The following CFP variants were observed in gnomAD, a reference collection of about 807,000 sequenced individuals.
The protein encoded by CFP is properdin.
A neutral mutation model predicts 42.1 loss-of-function variants in CFP; 14 were observed. That is an observed-to-expected ratio of 0.33 (90% CI 0.22 to 0.52). The LOEUF (loss-of-function observed/expected upper bound fraction) is 0.52, where lower values mean the gene tolerates loss of function less well. Ranked by LOEUF, CFP falls within the 20% of genes least tolerant of loss-of-function variation. The pLI is 0.96. For missense variants in CFP, 318 were observed against 400.4 expected (o/e 0.79, Z 1.76); for synonymous variants, 149 against 160.6 (o/e 0.93, Z 0.54).
In CFP at chrX:47,627,288, C is replaced by T; in HGVS notation, c.619G>A (p.Ala207Thr). ...TCGTGGGGTCCACCGTGGCAGGAGG[C>T]TGAGCAGGGGGTCCAGGGGCCCCAG... ...ATWGPWTPCSASCHGGPHEPK... is the reference protein window; with the variant it reads ...ATWGPWTPCSTSCHGGPHEPK... Residue 207 changes from alanine (A) to threonine (T), a missense_variant, in exon 5 of 9, where the codon GCC (alanine) becomes ACC (threonine). By Grantham distance (58) the Ala-to-Thr change is moderately conservative. Transcript: ENST00000396992. 8.3e-7 allele frequency: 1 copy of T among 1,206,730 alleles called. No individual in the cohort carries two copies. The highest frequency in any genetic ancestry group is 1.1e-6 in the Non-Finnish European group (1 of 892,360).
At chrX:47,626,291 C>G in intron 7 of CFP, 37 bp downstream of exon 7, 1 of 1,199,272 alleles carries the variant, frequency 8.3e-7, no homozygotes, top group Non-Finnish European at 1.1e-6. Context: ...CTGCATGGGC[C>G]ACCCCACCCT....
chrX:47,629,498 A>AACCCCCCCCCCCCCC, intron 2 of CFP, 26 bp downstream of exon 2: 1 of 270,857 alleles, frequency 3.7e-6, no homozygotes, highest in African/African-American at 4.2e-5. Flanking sequence ...CCTCCCCCCC[A>AACCCCCCCCCCCCCC]TCCCCCACCC....
In CFP at chrX:47,629,919, G is replaced by A; in HGVS notation, c.-75C>T. The A allele has an allele frequency of 1.9e-6, 2 of 1,080,662 alleles. No homozygotes were observed. The highest frequency in any genetic ancestry group is 2.5e-6 in the Non-Finnish European group (2 of 793,921). 89.1% of individuals were successfully genotyped at this position (1,080,662 alleles called of 1,213,427 possible). ...CTGGGTTGATAGGCTCCTGGAATCAGCAGGGAAAGAGGAACCTAGAGGCAG... is the reference window on the plus strand; with the variant it reads ...CTGGGTTGATAGGCTCCTGGAATCAACAGGGAAAGAGGAACCTAGAGGCAG... On this transcript the variant is annotated 5_prime_UTR_variant, in exon 1 of 9. Transcript: ENST00000396992.
rs1049017681 is a variant in CFP at position 47,626,590 on chromosome X, A to G, written c.941-71T>C. 41 of 1,123,830 alleles carry G rather than the reference A, an allele frequency of 3.6e-5. No individual in the cohort carries two copies. In the African/African-American group the frequency reaches 6.5e-4, roughly 18 times the overall value. 92.6% of individuals were successfully genotyped at this position (1,123,830 alleles called of 1,213,427 possible). ...GCAAGGGGGTTCAGAGGAAGGAATG[A>G]GGGCGGTAGGAGGGAGTAGAGGTGA... On this transcript the variant is annotated intron_variant, in intron 6 of 8. Transcript: ENST00000396992.
chrX:47,625,867 C>T, intron 8 of CFP, 191 bp downstream of exon 8: 1 of 480,646 alleles, frequency 2.1e-6, no homozygotes, highest in East Asian at 3.7e-5. Flanking sequence ...GGCACAGAGG[C>T]TACGAATTAT....
chrX:47,629,431 G>T, intron 2 of CFP, 93 bp downstream of exon 2: 1 of 724,917 alleles, frequency 1.4e-6, no homozygotes, highest in Non-Finnish European at 2.1e-6. Flanking sequence ...GGCCACCCTT[G>T]GAAGTCCCAG....
At chrX:47,629,421 G>A (rs2147937872) in intron 2 of CFP, 103 bp downstream of exon 2, 1 of 655,123 alleles carries the variant, frequency 1.5e-6, no homozygotes, top group South Asian at 2.6e-5. Context: ...AGGGCCTCAG[G>A]GCCACCCTTG....
upstream of CFP, chrX:47,630,213 T>C (rs981796749): frequency 3.2e-5 from 8 of 249,894 alleles, no homozygotes; most frequent in South Asian, 4.7e-4. Context: ...TGAGCCTCAG[T>C]TTCCCTATGT....
At chrX:47,624,679 CAA>C (rs2057962165) in intron 8 of CFP, 1 of 318,389 alleles carries the variant, frequency 3.1e-6, no homozygotes, top group Non-Finnish European at 5.3e-6. Context: ...CTCAGCCTCC[CAA>C]AGTGTTGCTG....
Position 47,623,725 on chromosome X carries a change from A to T in CFP, c.*550T>A. 1 of 122,224 alleles carries T rather than the reference A, an allele frequency of 8.2e-6. No individual in the cohort carries two copies. The highest frequency in any genetic ancestry group is 1.7e-5 in the Non-Finnish European group (1 of 58,183). 10.1% of individuals were successfully genotyped at this position (122,224 alleles called of 1,213,427 possible). On this transcript the variant is annotated 3_prime_UTR_variant, in exon 9 of 9. Transcript: ENST00000396992. ...TGGGCTGTCGGGAGTGGGTGGGTGC[A>T]GGTGCTCGGGCGGCAGGGTGCCAGC...
In CFP at chrX:47,626,444, T is replaced by C. The variant is rs2057968742; in HGVS notation, c.1016A>G (p.Glu339Gly). 1 of 1,209,571 alleles carries C rather than the reference T, an allele frequency of 8.3e-7. No individual in the cohort carries two copies. The highest frequency in any genetic ancestry group is 1.8e-5 in the African/African-American group (1 of 56,952). ...RRNMKSISCQ[E>G]IPGQQSRGRT... ...CCCGCGTGACTGCTGGCCCGGGATT[T>C]CTTGACAGCTGATGGACTTCATGTT... is the stretch of plus-strand genomic sequence containing the variant. The change falls in exon 7 of 9, where the codon GAA becomes GGA. Residue 339 changes from glutamate (E) to glycine (G), a missense_variant. Coordinates refer to ENST00000396992, the MANE Select transcript of CFP (RefSeq NM_001145252.3).
chrX:47,625,749 A>G, intron 8 of CFP: 1 of 347,666 alleles, frequency 2.9e-6, no homozygotes, highest in African/African-American at 2.6e-5. Context: ...GGAGGCAGGC[A>G]GTGAATGGAG....
At chrX:47,624,476 A>AATCTC (rs1206101251) in intron 8 of CFP, 36 bp from the exon 9 acceptor site, 2 of 1,168,924 alleles carry the variant, frequency 1.7e-6, no homozygotes, top group East Asian at 3.0e-5. Context: ...CGGAAGGGAG[A>AATCTC]ATCTCAGGGA....
chrX:47,626,712 G>T (rs1014488489), intron 6 of CFP, 61 bp downstream of exon 6: 3 of 1,141,623 alleles, frequency 2.6e-6, no homozygotes, highest in African/African-American at 3.6e-5. Flanking sequence ...AGCAGGAGCT[G>T]GGCAGCAGAG....
chrX:47,629,497 CATCCCCCACCCCAGG>C lies in CFP; in HGVS notation c.227+12_227+26del. 6.5e-6 allele frequency: 5 copies of C among 774,843 alleles called. No individual in the cohort carries two copies. The highest frequency in any genetic ancestry group is 4.6e-5 in the South Asian group (2 of 43,263). 63.9% of individuals were successfully genotyped at this position (774,843 alleles called of 1,213,427 possible). ...CCACAGACAGTCCTTCCCTCCCCCC[CATCCCCCACCCCAGG>C]CTCCCCCTAACCTGCAAGGCTGACA... On this transcript the variant is annotated intron_variant, in intron 2 of 8. Transcript: ENST00000396992.
rs2057984440 is a variant in CFP, at chrX:47,629,846, T to C, written c.-2A>G. 1.7e-6 allele frequency: 2 copies of C among 1,166,765 alleles called. No homozygotes were observed. The highest frequency in any genetic ancestry group is 1.9e-5 in the South Asian group (1 of 52,707). On this transcript the variant is annotated 5_prime_UTR_variant, in exon 1 of 9. Coordinates refer to ENST00000396992, the MANE Select transcript of CFP (RefSeq NM_001145252.3). The stretch of plus-strand genomic sequence containing the variant: ...GGCCTGCGCTCCCTCTGTGATCATG[T>C]TGAGTACTGCCCCCTGCACCTCTAC...
intron 8 of CFP, chrX:47,625,154 C>T (rs2057963627): frequency 9.0e-6 from 1 of 111,407 alleles, no homozygotes; most frequent in Non-Finnish European, 1.9e-5. Context: ...ATTTGTCCCA[C>T]TAGGAAAGCC....
At chrX:47,624,498 C>A in intron 8 of CFP, 58 bp from the exon 9 acceptor site, 1 of 1,019,027 alleles carries the variant, frequency 9.8e-7, no homozygotes, top group Non-Finnish European at 1.3e-6. Flanking sequence ...GGCAAGAATG[C>A]ATTCAATTCT....
rs776785115 is a variant in CFP, at chrX:47,624,342, A to G, written c.1343T>C (p.Val448Ala). Residue 448 changes from valine to alanine, a missense_variant, in exon 9 of 9, where the codon GTG becomes GCG. Transcript: ENST00000396992. ...TAGACATGGTCGTTTCTCCTCCACC[A>G]CCAGCTTCTGCCCTTGTAGCTCCTC... ...RCEELQGQKLVVEEKRPCLHV... is the reference protein window; with the variant it reads ...RCEELQGQKLAVEEKRPCLHV... 2.5e-6 allele frequency: 3 copies of G among 1,207,009 alleles called. No individual in the cohort carries two copies. The highest frequency in any genetic ancestry group is 2.2e-5 in the Admixed American group (1 of 45,380).
Sources: gnomAD v4.1 joint callset for allele counts on GRCh38, gnomAD v4.1.1 for gene constraint, MANE v1.5 for transcripts, NCBI Gene and HGNC (gene_info 2026-07-23, HGNC 2026-07-21) for gene names.